The following EPC1 variants were observed in gnomAD, a reference collection of about 807,000 sequenced individuals.
The protein encoded by EPC1 is enhancer of polycomb 1.
EPC1 carries 12 observed loss-of-function variants against 98.4 expected under a neutral mutation model. That is an observed-to-expected ratio of 0.12 (90% CI 0.08 to 0.20). The LOEUF (loss-of-function observed/expected upper bound fraction) is 0.20, where lower values mean the gene tolerates loss of function less well. Ranked by LOEUF, EPC1 falls within the 10% of genes least tolerant of loss-of-function variation. The pLI is 1.00. For synonymous variants in EPC1, 357 were observed against 363.9 expected (o/e 0.98, Z 0.21); for missense variants, 729 against 990.5 (o/e 0.74, Z 3.54).
At chr10:32,316,670 G>T (rs1408871544) in intron 1 of EPC1, among the ~76,000 whole-genome samples, 2 of 152,180 alleles carry the variant, frequency 1.3e-5, no homozygotes, top group Non-Finnish European at 1.5e-5. Flanking sequence ...GGACCGAGAA[G>T]GGGAATGAAA....
At chr10:32,360,126 T>G (rs1187794483) in intron 1 of EPC1, among the ~76,000 whole-genome samples, 1 of 152,276 alleles carries the variant, frequency 6.6e-6, no homozygotes, top group Non-Finnish European at 1.5e-5. Flanking sequence ...CATATGTTTG[T>G]ATCATTAGTA....
At chr10:32,365,579 G>T (rs924885902) in intron 1 of EPC1, among the ~76,000 whole-genome samples, 4 of 152,046 alleles carry the variant, frequency 2.6e-5, no homozygotes, top group Admixed American at 6.5e-5. Flanking sequence ...TTGGGAGGCT[G>T]AGGCAGGTGA....
intron 1 of EPC1, among the ~76,000 whole-genome samples, chr10:32,310,536 G>A (rs16933225): frequency 0.16 from 23,844 of 152,048 alleles, 2,134 homozygotes; most frequent in South Asian, 0.33. Flanking sequence ...TCCACTTTTC[G>A]TAACTGTGAA....
chr10:32,316,962 T>C (rs898421829), intron 1 of EPC1, among the ~76,000 whole-genome samples: 2 of 152,186 alleles, frequency 1.3e-5, no homozygotes, highest in African/African-American at 4.8e-5. Flanking sequence ...AAATAAATAA[T>C]AACATGGAAG....
At chr10:32,281,455 G>T (rs1170048574) in intron 10 of EPC1, among the ~76,000 whole-genome samples, 1 of 151,986 alleles carries the variant, frequency 6.6e-6, no homozygotes, top group African/African-American at 2.4e-5. Context: ...TGTATGTGGG[G>T]GCCATGCTGT....
At chr10:32,356,631 A>G (rs927181332) in intron 1 of EPC1, among the ~76,000 whole-genome samples, 9 of 152,264 alleles carry the variant, frequency 5.9e-5, no homozygotes, top group Non-Finnish European at 1.2e-4. Flanking sequence ...AGGAAAATAG[A>G]CTCTGTGAGC....
intron 10 of EPC1, 28 bp from the exon 11 acceptor site, chr10:32,273,309 TA>T: frequency 6.2e-7 from 1 of 1,608,266 alleles, no homozygotes. Flanking sequence ...AAACACTTTA[TA>T]AAAATGCCCA....
intron 1 of EPC1, chr10:32,377,105 A>G (rs1183049110): frequency 6.6e-6 from 1 of 152,232 alleles, no homozygotes; most frequent in Non-Finnish European, 1.5e-5. Flanking sequence ...AGATATGTGA[A>G]CATCAAAATT....
chr10:32,278,974 A>G (rs1836252323), intron 10 of EPC1, among the ~76,000 whole-genome samples: 1 of 152,172 alleles, frequency 6.6e-6, no homozygotes, highest in African/African-American at 2.4e-5. Context: ...TTATATGACT[A>G]TAGAACTATT....
At chr10:32,372,660 A>T (rs568777842) in intron 1 of EPC1, among the ~76,000 whole-genome samples, 1 of 152,374 alleles carries the variant, frequency 6.6e-6, no homozygotes, top group African/African-American at 2.4e-5. Context: ...TTCTAGGAAA[A>T]CACTGTTAGA....
At chr10:32,282,216 A>T (rs1479610023) in intron 10 of EPC1, 1 of 152,196 alleles carries the variant, frequency 6.6e-6, no homozygotes, top group Non-Finnish European at 1.5e-5. Context: ...AGGAAAAAAA[A>T]TAGATAAACT....
chr10:32,333,661 A>T (rs1235133108), intron 1 of EPC1, among the ~76,000 whole-genome samples: 1 of 152,202 alleles, frequency 6.6e-6, no homozygotes, highest in African/African-American at 2.4e-5. Flanking sequence ...TTCTGTTAAG[A>T]GCTCAGAAAT....
chr10:32,375,014 A>G (rs114122480), intron 1 of EPC1, among the ~76,000 whole-genome samples: 2,273 of 152,272 alleles, frequency 0.015, 63 homozygotes, highest in African/African-American at 0.051. Flanking sequence ...TTTTGGAAAG[A>G]TCAAAAACAA....
intron 1 of EPC1, among the ~76,000 whole-genome samples, chr10:32,338,548 G>A (rs1171499901): frequency 4.6e-5 from 7 of 152,080 alleles, no homozygotes; most frequent in African/African-American, 9.7e-5. Flanking sequence ...TCGTGAGTAC[G>A]TATGTGTCCT....
intron 1 of EPC1, among the ~76,000 whole-genome samples, chr10:32,378,136 G>A (rs956536658): frequency 2.6e-5 from 4 of 152,010 alleles, no homozygotes; most frequent in African/African-American, 9.7e-5. Context: ...GCTGATAATT[G>A]AGTCCTGGAC....
intron 1 of EPC1, among the ~76,000 whole-genome samples, chr10:32,315,699 A>G (rs540910278): frequency 2.2e-4 from 33 of 152,348 alleles, no homozygotes; most frequent in Non-Finnish European, 3.7e-4. Flanking sequence ...AACCCAAACA[A>G]GTAACTCTAT....
chr10:32,275,698 C>T (rs111875937), intron 10 of EPC1, among the ~76,000 whole-genome samples: 4,886 of 151,796 alleles, frequency 0.032, 263 homozygotes, highest in African/African-American at 0.11. Flanking sequence ...TGGTGTGAAC[C>T]CGGGAGGCGA....
intron 1 of EPC1, among the ~76,000 whole-genome samples, chr10:32,308,385 CA>C (rs35441939): frequency 7.4e-5 from 11 of 148,306 alleles, no homozygotes; most frequent in African/African-American, 7.4e-5. Context: ...GCAACAGTCT[CA>C]AAAAAAAAAA....
intron 1 of EPC1, among the ~76,000 whole-genome samples, chr10:32,313,133 GAGGATACAGC>G (rs1836347364): frequency 6.6e-6 from 1 of 152,072 alleles, no homozygotes; most frequent in Non-Finnish European, 1.5e-5. Flanking sequence ...GTTCTTAAAG[GAGGATACAGC>G]CATTCCGAAC....
Sources: allele counts gnomAD v4.1 joint callset (sites outside exome capture counted in the v4.1 genomes callset), GRCh38; gene constraint gnomAD v4.1.1; transcripts MANE v1.5; gene names NCBI Gene and HGNC (gene_info 2026-07-23, HGNC 2026-07-21).